Variants in SYT16 observed in about 807,000 individuals in gnomAD.
The protein encoded by SYT16 is synaptotagmin-16.
In SYT16, 42 loss-of-function variants were observed where a neutral mutation model predicts 61.4. That is an observed-to-expected ratio of 0.68 (90% confidence interval 0.53 to 0.89). The LOEUF is 0.89. Ranked by LOEUF, SYT16 falls within the 40% of genes least tolerant of loss-of-function variation. SYT16 has a pLI of 0.00. For synonymous variants in SYT16, 314 were observed against 302.3 expected, an observed-to-expected ratio of 1.04 and a Z score of -0.40; for missense variants, 804 against 807.3, an observed-to-expected ratio of 1.00 and a Z score of 0.05.
chr14:61,937,038 A>G (rs1246604320), intron 1 of SYT16, among the ~76,000 whole-genome samples: 1 of 152,240 alleles, frequency 6.6e-6, no homozygotes, highest in Non-Finnish European at 1.5e-5. Flanking sequence ...AGCAAAAGCC[A>G]GCAAAAAAGA....
intron 7 of SYT16, 68 bp from the exon 8 acceptor site, chr14:62,100,326 A>C (rs1395738255): frequency 1.5e-6 from 2 of 1,341,920 alleles, no homozygotes; most frequent in African/African-American, 3.0e-5. Flanking sequence ...TGTTACAGCT[A>C]GTCTAGCCAA....
intron 1 of SYT16, among the ~76,000 whole-genome samples, chr14:61,917,029 T>C (rs2049147123): frequency 6.6e-6 from 1 of 152,220 alleles, no homozygotes; most frequent in South Asian, 2.1e-4. Context: ...TTGGCTATTA[T>C]TAATAGTGCT....
rs907917225 is a variant in SYT16, at chr14:62,102,767, T to A, written c.*2060T>A. ...TATTGTACAGACAGCCCTGAATTTT[T>A]CCCTCTCATATTTTCCTGCTGCTGC... On this transcript the variant is annotated 3_prime_UTR_variant, in exon 8 of 8. Transcript: ENST00000683842. 6.6e-6 allele frequency: 1 copy of A among 152,194 alleles called. No individual in the cohort carries two copies. The highest frequency in any genetic ancestry group is 2.1e-4 in the South Asian group (1 of 4,822). 9.4% of individuals were successfully genotyped at this position (152,194 alleles called of 1,614,324 possible).
At chr14:62,078,153 C>CTATATATATA (rs1437217028) in intron 5 of SYT16, among the ~76,000 whole-genome samples, 245 of 101,712 alleles carry the variant, frequency 2.4e-3, no homozygotes, top group South Asian at 9.1e-3. Context: ...CTCTCTCTCT[C>CTATATATATA]TCTATATATA....
At chr14:61,856,791 C>T (rs2046788542) in intron 1 of SYT16, among the ~76,000 whole-genome samples, 1 of 152,132 alleles carries the variant, frequency 6.6e-6, no homozygotes, top group South Asian at 2.1e-4. Flanking sequence ...CATGATTTGA[C>T]ATCACCAATG....
intron 1 of SYT16, among the ~76,000 whole-genome samples, chr14:61,931,276 G>T (rs1177704092): frequency 6.6e-6 from 1 of 152,164 alleles, no homozygotes; most frequent in African/African-American, 2.4e-5. Context: ...CTTTCTTAGA[G>T]GAGATAGATT....
At chr14:62,071,677 G>T (rs1426188526) in intron 4 of SYT16, among the ~76,000 whole-genome samples, 2 of 152,122 alleles carry the variant, frequency 1.3e-5, no homozygotes, top group African/African-American at 4.8e-5. Flanking sequence ...ATCATGAAAA[G>T]ATTAAGCATG....
intron 1 of SYT16, among the ~76,000 whole-genome samples, chr14:61,937,058 G>C (rs984504347): frequency 2.0e-5 from 3 of 152,202 alleles, no homozygotes; most frequent in African/African-American, 7.2e-5. Flanking sequence ...ACTGTGCCAG[G>C]AACGGTGCTA....
At chr14:62,039,612 C>G (rs2140841469) in intron 3 of SYT16, among the ~76,000 whole-genome samples, 1 of 152,200 alleles carries the variant, frequency 6.6e-6, no homozygotes, top group African/African-American at 2.4e-5. Flanking sequence ...GAATTTAATA[C>G]ATTTTTAATG....
intron 1 of SYT16, among the ~76,000 whole-genome samples, chr14:61,892,164 C>T (rs1256134398): frequency 1.3e-5 from 2 of 151,982 alleles, no homozygotes; most frequent in African/African-American, 2.4e-5. Flanking sequence ...CTCTCCTCTT[C>T]CTCCCTTCTC....
chr14:61,891,641 G>T (rs2048134423), intron 1 of SYT16, among the ~76,000 whole-genome samples: 1 of 152,138 alleles, frequency 6.6e-6, no homozygotes, highest in African/African-American at 2.4e-5. Context: ...AGGTGATAAA[G>T]GTAGAACAAC....
intron 6 of SYT16, 127 bp from the exon 7 acceptor site, chr14:62,084,069 C>T (rs1253948037): frequency 1.7e-5 from 19 of 1,091,888 alleles, no homozygotes; most frequent in East Asian, 8.1e-5. Context: ...ACGCCGAGTG[C>T]GCCCTTAGTC....
chr14:62,057,535 A>G (rs1595298174), intron 3 of SYT16, among the ~76,000 whole-genome samples: 1 of 152,198 alleles, frequency 6.6e-6, no homozygotes, highest in African/African-American at 2.4e-5. Context: ...TTCCCAGGTA[A>G]ATACAGTGGG....
intron 1 of SYT16, among the ~76,000 whole-genome samples, chr14:61,883,595 C>T (rs1566650332): frequency 6.6e-6 from 1 of 152,228 alleles, no homozygotes; most frequent in Non-Finnish European, 1.5e-5. Flanking sequence ...AACTCTCCTA[C>T]ATTTTTCTGT....
intron 3 of SYT16, among the ~76,000 whole-genome samples, chr14:62,043,245 G>A (rs561123056): frequency 6.6e-6 from 1 of 152,014 alleles, no homozygotes; most frequent in Non-Finnish European, 1.5e-5. Flanking sequence ...ATGAGAATAA[G>A]TATTCTTGTC....
intron 3 of SYT16, among the ~76,000 whole-genome samples, chr14:61,997,236 A>T (rs1316389768): frequency 2.0e-5 from 3 of 152,102 alleles, no homozygotes; most frequent in Non-Finnish European, 4.4e-5. Context: ...CTAATACTCT[A>T]ACCTTGAAGT....
In SYT16 at chr14:61,943,386, G is replaced by A. The variant is rs141029402; in HGVS notation, c.-324-26746G>A. 2.0e-5 allele frequency among the ~76,000 whole-genome samples: 3 copies of A among 152,272 alleles called. No homozygotes were observed. The East Asian group carries it at 5.8e-4, about 29-fold the overall frequency. ...ACTCCTCTCTAACTCATTTTATGAG[G>A]CCAGCATCATCCTGATATCAAAACC... On this transcript the variant is annotated intron_variant, in intron 1 of 7. Transcript: ENST00000683842.
intron 1 of SYT16, among the ~76,000 whole-genome samples, chr14:61,820,722 T>C (rs2045594711): frequency 6.6e-6 from 1 of 152,082 alleles, no homozygotes; most frequent in Admixed American, 6.5e-5. Flanking sequence ...CCCCAAGTGA[T>C]CAGCCCGCCT....
chr14:62,072,900 T>A (rs2056351145), intron 4 of SYT16, among the ~76,000 whole-genome samples: 1 of 152,164 alleles, frequency 6.6e-6, no homozygotes, highest in African/African-American at 2.4e-5. Context: ...AAAATAAATT[T>A]GGTTGATGTG....
Sources: allele counts gnomAD v4.1 joint callset (sites outside exome capture counted in the v4.1 genomes callset), GRCh38; gene constraint gnomAD v4.1.1; transcripts MANE v1.5; gene names NCBI Gene and HGNC (gene_info 2026-07-23, HGNC 2026-07-21).